SLC14A2: variants seen among roughly 807,000 people sequenced by gnomAD.
The protein encoded by SLC14A2 is urea transporter 2.
A neutral mutation model predicts 104.6 loss-of-function variants in SLC14A2; 91 were observed. The observed-to-expected ratio is 0.87, with a 90% CI of 0.73 to 1.04. SLC14A2 has a LOEUF of 1.04. Ranked by LOEUF, SLC14A2 falls within the 50% of genes least tolerant of loss-of-function variation. The pLI is 0.00. For synonymous variants in SLC14A2, 476 were observed against 466.4 expected (o/e 1.02, Z -0.27); for missense variants, 1,189 against 1,156.0 (o/e 1.03, Z -0.41).
chr18:45,387,770 A>G (rs1414116870), intron 1 of SLC14A2, among the ~76,000 whole-genome samples: 2 of 152,188 alleles, frequency 1.3e-5, no homozygotes, highest in Non-Finnish European at 2.9e-5. Context: ...TCAACTGAGA[A>G]GGATTATTTG....
intron 1 of SLC14A2, among the ~76,000 whole-genome samples, chr18:45,392,267 A>G (rs889013558): frequency 2.6e-5 from 4 of 152,014 alleles, no homozygotes; most frequent in East Asian, 1.9e-4. Flanking sequence ...CTTCTCCCCT[A>G]TGCTTGCCTG....
At chr18:45,591,473 T>G (rs2044645478) in intron 2 of SLC14A2, among the ~76,000 whole-genome samples, 1 of 152,188 alleles carries the variant, frequency 6.6e-6, no homozygotes, top group Non-Finnish European at 1.5e-5. Context: ...TAGCTGGGAT[T>G]ACAGGTGCCC....
At chr18:45,593,625 G>A (rs2044683095) in intron 2 of SLC14A2, among the ~76,000 whole-genome samples, 1 of 151,138 alleles carries the variant, frequency 6.6e-6, no homozygotes, top group Non-Finnish European at 1.5e-5. Flanking sequence ...AAGTTGCTGG[G>A]ACTACAGGTG....
intron 1 of SLC14A2, among the ~76,000 whole-genome samples, chr18:45,314,670 C>T (rs773649464): frequency 2.6e-5 from 4 of 152,166 alleles, no homozygotes; most frequent in Non-Finnish European, 5.9e-5. Flanking sequence ...TTGGCAATTG[C>T]AGAGAATAGG....
chr18:45,292,149 T>C (rs1205880645), intron 1 of SLC14A2, among the ~76,000 whole-genome samples: 1 of 152,158 alleles, frequency 6.6e-6, no homozygotes, highest in Non-Finnish European at 1.5e-5. Flanking sequence ...ATGAAACAGT[T>C]AGGGCTCTAA....
the SLC14A2 span, among the ~76,000 whole-genome samples, chr18:45,172,219 C>T: frequency 6.6e-6 from 1 of 152,152 alleles, no homozygotes; most frequent in Non-Finnish European, 1.5e-5. Context: ...CTTTCCTAGG[C>T]CAACCAATAC....
chr18:45,614,224 A>G (rs1356671798), upstream of SLC14A2, among the ~76,000 whole-genome samples: 1 of 152,248 alleles, frequency 6.6e-6, no homozygotes, highest in Non-Finnish European at 1.5e-5. Context: ...GCAGGTGCAC[A>G]GAAGTCAAGA....
intron 1 of SLC14A2, among the ~76,000 whole-genome samples, chr18:45,456,219 A>G (rs1476508792): frequency 1.3e-5 from 2 of 152,228 alleles, no homozygotes; most frequent in Middle Eastern, 3.4e-3. Context: ...CCCTGTTCAG[A>G]ACCACAGGGC....
chr18:45,614,281 C>T (rs565356009), upstream of SLC14A2, among the ~76,000 whole-genome samples: 35 of 152,318 alleles, frequency 2.3e-4, no homozygotes, highest in African/African-American at 5.8e-4. Context: ...ATGTATGAAA[C>T]GCCAGGATGT....
intron 1 of SLC14A2, among the ~76,000 whole-genome samples, chr18:45,308,366 G>T (rs1409603552): frequency 6.6e-6 from 1 of 152,176 alleles, no homozygotes; most frequent in Non-Finnish European, 1.5e-5. Flanking sequence ...CTATTAAGTG[G>T]CATGGCTGAA....
chr18:45,305,700 G>T (rs1299427320), intron 1 of SLC14A2, among the ~76,000 whole-genome samples: 4 of 151,334 alleles, frequency 2.6e-5, no homozygotes, highest in East Asian at 1.9e-4. Context: ...AGCGAAGATG[G>T]TTTTTTTTTC....
intron 1 of SLC14A2, among the ~76,000 whole-genome samples, chr18:45,439,192 T>C (rs1253872673): frequency 1.3e-5 from 2 of 151,986 alleles, no homozygotes; most frequent in Non-Finnish European, 2.9e-5. Flanking sequence ...GGAGGGAGGA[T>C]TGCTTGAGCC....
chr18:45,357,525 A>T (rs1392756025), intron 1 of SLC14A2, among the ~76,000 whole-genome samples: 3 of 152,214 alleles, frequency 2.0e-5, no homozygotes, highest in East Asian at 3.9e-4. Context: ...GTTAGACATG[A>T]TAGCACCACT....
the SLC14A2 span, among the ~76,000 whole-genome samples, chr18:45,170,085 A>G: frequency 3.9e-5 from 6 of 152,194 alleles, no homozygotes; most frequent in African/African-American, 7.2e-5. Flanking sequence ...ATTCTTGAAG[A>G]AAGAACATGG....
chr18:45,677,797 A>G (rs185320134), intron 18 of SLC14A2, among the ~76,000 whole-genome samples: 1 of 152,244 alleles, frequency 6.6e-6, no homozygotes, highest in Non-Finnish European at 1.5e-5. Context: ...CATTTAACTC[A>G]TTCTCTTTTG....
rs73437822 is a variant in SLC14A2, at chr18:45,480,380, C to T, written c.-124-2853C>T. 2.9e-3 allele frequency among the ~76,000 whole-genome samples: 444 copies of T among 152,236 alleles called. 5 individuals are homozygous for T. Among genetic ancestry groups the T allele is most frequent in the African/African-American group, 8.5e-3 (352 of 41,536 alleles). The stretch of plus-strand genomic sequence containing the variant: ...CATGCCCTGTACTCTGTACCCTTCT[C>T]ACTGCTGAGCTGAATGCAATTGGCT... On this transcript the variant is annotated intron_variant, in intron 1 of 20. Coordinates refer to the SLC14A2 transcript ENST00000586448.
At position 45,673,680 on chromosome 18, in the gene SLC14A2, C is replaced by T. The variant is rs1271527484; in HGVS notation, c.2378-3C>T. 1.9e-6 allele frequency: 3 copies of T among 1,613,740 alleles called. No homozygotes were observed. The highest frequency in any genetic ancestry group is 1.1e-5 in the South Asian group (1 of 91,068). The stretch of plus-strand genomic sequence containing the variant: ...CAACCCTGATGCCTGCCTTCTGTCA[C>T]AGCACTCACTATTGCGACGCCCTTT... On this transcript the variant is annotated splice_polypyrimidine_tract_variant and splice_region_variant and intron_variant, in intron 17 of 19. Coordinates refer to ENST00000255226, the MANE Select transcript of SLC14A2 (RefSeq NM_007163.4).
intron 1 of SLC14A2, among the ~76,000 whole-genome samples, chr18:45,293,223 T>C (rs1034028423): frequency 1.6e-4 from 24 of 152,168 alleles, no homozygotes; most frequent in African/African-American, 5.6e-4. Context: ...TGCTTAGGTG[T>C]ATGAGTTTAT....
intron 2 of SLC14A2, among the ~76,000 whole-genome samples, chr18:45,501,848 G>A (rs1406147606): frequency 2.0e-5 from 3 of 152,204 alleles, no homozygotes; most frequent in Non-Finnish European, 4.4e-5. Context: ...CATGAAGGAG[G>A]AAGCCCACAA....
Sources: allele counts gnomAD v4.1 joint callset (sites outside exome capture counted in the v4.1 genomes callset), GRCh38; gene constraint gnomAD v4.1.1; transcripts MANE v1.5; gene names NCBI Gene and HGNC (gene_info 2026-07-23, HGNC 2026-07-21).